ATP1A3: variants seen among roughly 807,000 people sequenced by gnomAD.
ATP1A3 encodes ATPase Na+/K+ transporting subunit alpha 3, also known as sodium/potassium-transporting ATPase subunit alpha-3.
In ATP1A3, 12 loss-of-function variants were observed where a neutral mutation model predicts 108.8. That is an observed-to-expected ratio of 0.11 (90% CI 0.07 to 0.18). The LOEUF (loss-of-function observed/expected upper bound fraction) is 0.18, where lower values mean the gene tolerates loss of function less well. Among genes scored for constraint, ATP1A3 ranks in the 10% least tolerant of loss-of-function variants. The pLI is 1.00. For synonymous variants in ATP1A3, 539 were observed against 564.5 expected (o/e 0.95, Z 0.64); for missense variants, 498 against 1,387.7 (o/e 0.36, Z 10.19).
At position 41,979,616 on chromosome 19, in the gene ATP1A3, C is replaced by T. The variant is rs527608058; in HGVS notation, c.1438-818G>A. Among the ~76,000 whole-genome samples, 3 of 152,270 alleles carry T rather than the reference C, an allele frequency of 2.0e-5. No homozygotes were observed. The South Asian group carries it at 6.2e-4, about 32-fold the overall frequency. On this transcript the variant is annotated intron_variant, in intron 11 of 22. Coordinates refer to ENST00000648268, the MANE Select transcript of ATP1A3 (RefSeq NM_152296.5). ...GCCACCACACCCAGCTGTATGCTTC[C>T]ATTTTTATGAAATGTCCAGAATAGG...
At chr19:41,969,389 C>T (rs374065373) in intron 19 of ATP1A3, 46 bp downstream of exon 19, 31 of 1,613,844 alleles carry the variant, frequency 1.9e-5, no homozygotes, top group African/African-American at 6.7e-5. Flanking sequence ...CAGCTCACCC[C>T]GGGGATCTTA....
chr19:41,990,798 T>A (rs1555867042), intron 1 of ATP1A3: 1 of 151,902 alleles, frequency 6.6e-6, no homozygotes, highest in Non-Finnish European at 1.5e-5. Context: ...GGGATCTTAT[T>A]CTCTATTTCT....
At chr19:41,984,494 G>A (rs2075267714) in intron 8 of ATP1A3, 1 of 185,166 alleles carries the variant, frequency 5.4e-6, no homozygotes, top group Admixed American at 5.4e-5. Flanking sequence ...CAAAGTGCTG[G>A]GATTACAGCG....
chr19:41,993,709 G>A, intron 1 of ATP1A3: 1 of 601,500 alleles, frequency 1.7e-6, no homozygotes, highest in Middle Eastern at 4.5e-4. Flanking sequence ...AGACGCGATC[G>A]CAGACTTTCA....
intron 16 of ATP1A3, among the ~76,000 whole-genome samples, chr19:41,974,737 A>G (rs1555860585): frequency 6.6e-6 from 1 of 152,220 alleles, no homozygotes. Context: ...GTCTATGATT[A>G]TCATGAATTA....
chr19:41,969,333 G>C lies in ATP1A3; in HGVS notation c.2688+102C>G, dbSNP rs1390114629. 5.1e-6 allele frequency: 8 copies of C among 1,583,894 alleles called. No homozygotes were observed. In the Admixed American group the frequency reaches 1.3e-4, roughly 26 times the overall value. On this transcript the variant is annotated intron_variant, in intron 19 of 22. Coordinates refer to ENST00000648268, the MANE Select transcript of ATP1A3 (RefSeq NM_152296.5). ...CAGCAAAGGCCTTGATGCTGCCATG[G>C]GAGACTGAGGGGGCCATCGTAGGAA...
At position 41,985,263 on chromosome 19, in the gene ATP1A3, C is replaced by T; in HGVS notation, c.724+43G>A. On this transcript the variant is annotated intron_variant, in intron 7 of 22. Transcript: ENST00000648268. The surrounding 1 kb of genome is among the most constrained non-coding windows in gnomAD (Gnocchi z 8.2). ...AGGCCTGACCCCCTGGGACACATCC[C>T]TGTGTCTGCCCCAGCTGTGTGTCTT... 1.2e-6 allele frequency: 2 copies of T among 1,613,780 alleles called. No homozygotes were observed. The highest frequency in any genetic ancestry group is 8.5e-7 in the Non-Finnish European group (1 of 1,179,688).
intron 16 of ATP1A3, among the ~76,000 whole-genome samples, chr19:41,973,660 T>C (rs1343260034): frequency 1.7e-4 from 26 of 152,238 alleles, no homozygotes; most frequent in Admixed American, 1.7e-3. Context: ...GCCTGCTTTC[T>C]TCGGGGCATA....
intron 14 of ATP1A3, among the ~76,000 whole-genome samples, chr19:41,977,629 G>A (rs1258834892): frequency 1.3e-5 from 2 of 152,158 alleles, no homozygotes; most frequent in African/African-American, 4.8e-5. Context: ...AACCCGGGAG[G>A]CGGAGGCTGC....
At position 41,981,494 on chromosome 19, in the gene ATP1A3, C is replaced by T. The variant is rs782168430; in HGVS notation, c.1437+8G>A. 1.2e-6 allele frequency: 2 copies of T among 1,614,164 alleles called. No individual in the cohort carries two copies. Among genetic ancestry groups the T allele is most frequent in the Non-Finnish European group, 1.7e-6 (2 of 1,180,024 alleles). On this transcript the variant is annotated splice_region_variant and intron_variant, in intron 11 of 22. Transcript: ENST00000648268. The surrounding 1 kb of genome is among the most constrained non-coding windows in gnomAD (Gnocchi z 5.0). Reference sequence around the variant, plus strand: ...TCCAGGCTGGCTCTCCCGGAAAGCCCAGAGTACCTGGTATTTGTTGGTGGA... The same window carrying T: ...TCCAGGCTGGCTCTCCCGGAAAGCCTAGAGTACCTGGTATTTGTTGGTGGA...
Position 41,978,240 on chromosome 19 carries a change from G to A in ATP1A3, c.1717C>T (p.Leu573Phe), listed in dbSNP as rs1555862118. 6.2e-7 allele frequency: 1 copy of A among 1,614,094 alleles called. No homozygotes were observed. The highest frequency in any genetic ancestry group is 8.5e-7 in the Non-Finnish European group (1 of 1,179,976). The stretch of plus-strand genomic sequence containing the variant: ...ATGGACATGAGGCCCACAAAGCAGA[G>A]GTTGTCCGTGGTGAAGTTCACGTCA... ...CDDVNFTTDN[L>F]CFVGLMSMID... is the part of the protein sequence containing the mutation. The change falls in exon 13 of 23, where the codon CTC becomes TTC. Residue 573 changes from leucine (L) to phenylalanine (F), a missense_variant. Leu to Phe is a conservative substitution (Grantham distance 22). Transcript: ENST00000648268. This position sits in a 1 kb window ranked among gnomAD's most constrained non-coding sequence, Gnocchi z 8.3.
In ATP1A3 at chr19:41,981,426, G is replaced by C. The variant is rs75979328; in HGVS notation, c.1437+76C>G. The C allele has an allele frequency of 4.0e-3, 6,467 of 1,606,946 alleles. 190 individuals carry two copies. In the African/African-American group the frequency reaches 0.073, roughly 18 times the overall value. On this transcript the variant is annotated intron_variant, in intron 11 of 22. Transcript: ENST00000648268. This position sits in a 1 kb window ranked among gnomAD's most constrained non-coding sequence, Gnocchi z 5.0. ...CCCATTTTACAGACGGGAAAATCAA[G>C]GCTCTATGACACCTCTTTACAGGCG...
In ATP1A3 at chr19:41,967,571, G is replaced by A. The variant is rs1346747364; in HGVS notation, c.2921+91C>T. 17 of 1,380,688 alleles carry A rather than the reference G, an allele frequency of 1.2e-5. No homozygotes were observed. The highest frequency in any genetic ancestry group is 7.7e-5 in the Admixed American group (4 of 51,842). The allele number at this position is 1,380,688 out of a possible 1,614,324, so 85.5% of individuals were successfully genotyped here. ...TGGGGACTGCAGTGGGGACACCAGGGGAGGTGGGGCCTGAGGTTCAGGCTG... is the reference window on the plus strand; with the variant it reads ...TGGGGACTGCAGTGGGGACACCAGGAGAGGTGGGGCCTGAGGTTCAGGCTG... On this transcript the variant is annotated intron_variant, in intron 21 of 22. Coordinates refer to ENST00000648268, the MANE Select transcript of ATP1A3 (RefSeq NM_152296.5). The surrounding 1 kb of genome is among the most constrained non-coding windows in gnomAD (Gnocchi z 4.2).
intron 11 of ATP1A3, among the ~76,000 whole-genome samples, chr19:41,980,118 G>A (rs112425703): frequency 3.3e-5 from 5 of 152,354 alleles, no homozygotes; most frequent in African/African-American, 1.2e-4. Context: ...TGCTACCGGA[G>A]CGCTCTTCCC....
chr19:41,976,289 C>G (rs2075169041), intron 15 of ATP1A3, 127 bp downstream of exon 15: 2 of 1,351,108 alleles, frequency 1.5e-6, no homozygotes, highest in East Asian at 5.0e-5. Flanking sequence ...CCCAGACCCT[C>G]CTCTCTCAGA....
chr19:41,991,176 C>A (rs2075334441), intron 1 of ATP1A3, among the ~76,000 whole-genome samples: 1 of 152,210 alleles, frequency 6.6e-6, no homozygotes, highest in Non-Finnish European at 1.5e-5. Flanking sequence ...ACAGGTCCCG[C>A]AGGCCCAGGG....
At chr19:41,969,157 T>C (rs1555859233) in intron 19 of ATP1A3, among the ~76,000 whole-genome samples, 2 of 152,072 alleles carry the variant, frequency 1.3e-5, no homozygotes, top group Non-Finnish European at 2.9e-5. Flanking sequence ...ATAAGGACCC[T>C]GTGGGCCTCC....
In ATP1A3 at chr19:41,978,483, T is replaced by A; in HGVS notation, c.1630+123A>T. On this transcript the variant is annotated intron_variant, in intron 12 of 22. Transcript: ENST00000648268. The surrounding 1 kb of genome is among the most constrained non-coding windows in gnomAD (Gnocchi z 8.3). ...ATACCTTCCCCTCTCATCCATCCAT[T>A]CATTCATTCATTCATTCATTTACAG... The A allele has an allele frequency of 2.1e-6, 3 of 1,423,076 alleles. No individual in the cohort carries two copies. Among genetic ancestry groups the A allele is most frequent in the Non-Finnish European group, 2.9e-6 (3 of 1,028,890 alleles). 88.2% of individuals were successfully genotyped at this position (1,423,076 alleles called of 1,614,324 possible).
In ATP1A3 at chr19:41,967,006, A is replaced by T. The variant is rs1188702884; in HGVS notation, c.3014-41T>A. The T allele has an allele frequency of 6.4e-7, 1 of 1,551,616 alleles. No homozygotes were observed. Among genetic ancestry groups the T allele is most frequent in the East Asian group, 2.4e-5 (1 of 40,898 alleles). ...AGGAAAGAAAGAGACAGAGTAAGAG[A>T]TGGAGAGAGACAGGCAAGGCGAGCC... On this transcript the variant is annotated intron_variant, in intron 22 of 22. Coordinates refer to ENST00000648268, the MANE Select transcript of ATP1A3 (RefSeq NM_152296.5). The surrounding 1 kb of genome is among the most constrained non-coding windows in gnomAD (Gnocchi z 4.2).
Sources: allele counts gnomAD v4.1 joint callset (sites outside exome capture counted in the v4.1 genomes callset), GRCh38; gene constraint gnomAD v4.1.1; non-coding constraint Gnocchi (gnomAD v3.1); transcripts MANE v1.5; gene names NCBI Gene and HGNC (gene_info 2026-07-23, HGNC 2026-07-21).